The following SGPP2 variants were observed in gnomAD, a reference collection of about 807,000 sequenced individuals.
The protein encoded by SGPP2 is sphingosine-1-phosphate phosphatase 2.
In SGPP2, 30 loss-of-function variants were observed where a neutral mutation model predicts 33.9. That is an observed-to-expected ratio of 0.89 (90% CI 0.66 to 1.20). SGPP2 has a LOEUF of 1.20. Among genes scored for constraint, SGPP2 ranks in the 50% most tolerant of loss-of-function variants. The pLI is 0.00. For missense variants in SGPP2, 458 were observed against 532.1 expected (o/e 0.86, Z 1.37); for synonymous variants, 233 against 225.0 (o/e 1.04, Z -0.32).
intron 2 of SGPP2, among the ~76,000 whole-genome samples, chr2:222,518,089 C>G (rs2106130689): frequency 6.6e-6 from 1 of 152,336 alleles, no homozygotes; most frequent in African/African-American, 2.4e-5. Context: ...ATGCCAGAAA[C>G]AGGATACAAC....
At chr2:222,467,966 A>AC (rs1697774246) in intron 1 of SGPP2, among the ~76,000 whole-genome samples, 15 of 128,070 alleles carry the variant, frequency 1.2e-4, no homozygotes, top group African/African-American at 5.4e-4. Flanking sequence ...AAAAAAAAAA[A>AC]AAAAAAAAAA....
rs185622236 is a variant in SGPP2 at position 222,524,592 on chromosome 2, C to A, written c.559-352C>A. Among the ~76,000 whole-genome samples the A allele has an allele frequency of 5.4e-4, 82 of 152,268 alleles. 1 individual carries two copies. Among genetic ancestry groups the A allele is most frequent in the Non-Finnish European group, 8.8e-4 (60 of 68,010 alleles). On this transcript the variant is annotated intron_variant, in intron 3 of 4. Coordinates refer to ENST00000321276, the MANE Select transcript of SGPP2 (RefSeq NM_152386.4). The stretch of plus-strand genomic sequence containing the variant: ...TGCTTCTTGGTCAAATTGTTTGTTT[C>A]TTATCGTTCTAATTTAAGAATAGGT...
In SGPP2 at chr2:222,467,950, G is replaced by GAAAAAAAAAAAAAAAAAAAA. The variant is rs61253653; in HGVS notation, c.220-6599_220-6580dup. Among the ~76,000 whole-genome samples, 13 of 24,874 alleles carry GAAAAAAAAAAAAAAAAAAAA rather than the reference G, an allele frequency of 5.2e-4. 2 individuals carry two copies. Among genetic ancestry groups the GAAAAAAAAAAAAAAAAAAAA allele is most frequent in the East Asian group, 2.4e-3 (1 of 416 alleles). The allele number at this position is 24,874 out of a possible 152,430, so 16.3% of individuals were successfully genotyped here. The stretch of plus-strand genomic sequence containing the variant: ...AAATGTATATTTAAAGCTCTAATCT[G>GAAAAAAAAAAAAAAAAAAAA]AAAAAAAAAAAAAAAAAAAAAAAAA... On this transcript the variant is annotated intron_variant, in intron 1 of 4. Coordinates refer to ENST00000321276, the MANE Select transcript of SGPP2 (RefSeq NM_152386.4).
At chr2:222,537,669 A>G (rs1698934797) in intron 4 of SGPP2, among the ~76,000 whole-genome samples, 1 of 152,226 alleles carries the variant, frequency 6.6e-6, no homozygotes, top group South Asian at 2.1e-4. Flanking sequence ...TGTGATGCAT[A>G]CCTCTTGACC....
chr2:222,542,311 T>C (rs1436271314), intron 4 of SGPP2, among the ~76,000 whole-genome samples: 1 of 152,224 alleles, frequency 6.6e-6, no homozygotes, highest in Non-Finnish European at 1.5e-5. Flanking sequence ...TTATCCCTTC[T>C]GCTATTGATG....
intron 4 of SGPP2, among the ~76,000 whole-genome samples, chr2:222,537,577 A>AAGGT (rs1198552723): frequency 2.6e-5 from 4 of 152,234 alleles, no homozygotes; most frequent in African/African-American, 9.6e-5. Context: ...AATAACAGTC[A>AAGGT]AGGTTGATGA....
chr2:222,552,487 G>A (rs568176876), intron 4 of SGPP2, among the ~76,000 whole-genome samples: 1 of 152,170 alleles, frequency 6.6e-6, no homozygotes. Flanking sequence ...AGAGGGGGGC[G>A]AGAGATAAAA....
At chr2:222,498,164 A>G (rs1698310031) in intron 2 of SGPP2, 1 of 152,074 alleles carries the variant, frequency 6.6e-6, no homozygotes, top group African/African-American at 2.4e-5. Flanking sequence ...CTCAACCATC[A>G]ACTCACCCTG....
chr2:222,476,111 G>C lies in SGPP2; in HGVS notation c.378+1385G>C, dbSNP rs528641214. Among the ~76,000 whole-genome samples the C allele has an allele frequency of 6.6e-6, 1 of 152,342 alleles. No individual in the cohort carries two copies. Among genetic ancestry groups the C allele is most frequent in the African/African-American group, 2.4e-5 (1 of 41,580 alleles). ...AGACAAGACTGTTGCCCTGACTCAA[G>C]ATTCTGCACTAGAAATAGAGGTTCA... On this transcript the variant is annotated intron_variant, in intron 2 of 4. Transcript: ENST00000321276. This position sits in a 1 kb window ranked among gnomAD's most constrained non-coding sequence, Gnocchi z 4.3.
intron 1 of SGPP2, among the ~76,000 whole-genome samples, chr2:222,448,577 A>T (rs191462551): frequency 5.9e-5 from 9 of 152,248 alleles, no homozygotes; most frequent in African/African-American, 2.2e-4. Flanking sequence ...GGAGCACAGG[A>T]AATGCTTAAT....
At chr2:222,432,351 G>A (rs984161557) in intron 1 of SGPP2, among the ~76,000 whole-genome samples, 1 of 152,186 alleles carries the variant, frequency 6.6e-6, no homozygotes, top group Non-Finnish European at 1.5e-5. Context: ...GATGATTTAC[G>A]AGGAAAAAGC....
chr2:222,559,323 G>A lies in SGPP2; in HGVS notation c.*425G>A, dbSNP rs1689492242. ...GGGGTGATCTGGGAGGCTGGAGGTA[G>A]AGCCTTTCTTTTCCGTTACAACCTT... On this transcript the variant is annotated 3_prime_UTR_variant, in exon 5 of 5. Transcript: ENST00000321276. 1 of 172,136 alleles carries A rather than the reference G, an allele frequency of 5.8e-6. No homozygotes were observed. Among genetic ancestry groups the A allele is most frequent in the African/African-American group, 2.4e-5 (1 of 42,076 alleles). The allele number at this position is 172,136 out of a possible 1,614,324, so 10.7% of individuals were successfully genotyped here. A position where few individuals can be genotyped will look rare whatever the true frequency, so the allele number is the denominator to read the frequency against.
At chr2:222,448,766 A>G (rs184085701) in intron 1 of SGPP2, among the ~76,000 whole-genome samples, 17 of 152,318 alleles carry the variant, frequency 1.1e-4, no homozygotes, top group African/African-American at 4.1e-4. Flanking sequence ...CCCTGATGGC[A>G]TATTTCTGAA....
chr2:222,454,076 G>A (rs1310114162), intron 1 of SGPP2, among the ~76,000 whole-genome samples: 1 of 151,806 alleles, frequency 6.6e-6, no homozygotes, highest in Non-Finnish European at 1.5e-5. Context: ...TTTTACTTTT[G>A]TTAACAATTA....
chr2:222,479,233 A>G (rs1332684440), intron 2 of SGPP2, among the ~76,000 whole-genome samples: 2 of 152,166 alleles, frequency 1.3e-5, no homozygotes, highest in African/African-American at 4.8e-5. Context: ...TAAGTAGCAT[A>G]AGGAGCACAA....
rs1698664574 is a variant in SGPP2, at chr2:222,520,345, G to C, written c.379-1422G>C. Among the ~76,000 whole-genome samples the C allele has an allele frequency of 1.3e-5, 2 of 151,686 alleles. 1 individual carries two copies. Among genetic ancestry groups the C allele is most frequent in the Admixed American group, 1.3e-4 (2 of 15,220 alleles). On this transcript the variant is annotated intron_variant, in intron 2 of 4. Transcript: ENST00000321276. ...TGTCTTCTTTTGAGAACATGTTCATGTACATCAAATTCTGATTTCTATCTT... is the reference window on the plus strand; with the variant it reads ...TGTCTTCTTTTGAGAACATGTTCATCTACATCAAATTCTGATTTCTATCTT...
At chr2:222,436,702 C>A (rs1697246227) in intron 1 of SGPP2, among the ~76,000 whole-genome samples, 1 of 152,142 alleles carries the variant, frequency 6.6e-6, no homozygotes, top group East Asian at 1.9e-4. Flanking sequence ...ATAGTCTTGG[C>A]AGAACATTGC....
intron 4 of SGPP2, among the ~76,000 whole-genome samples, 183 bp from the exon 5 acceptor site, chr2:222,558,164 C>G (rs1391427120): frequency 2.6e-5 from 4 of 152,174 alleles, no homozygotes; most frequent in Non-Finnish European, 4.4e-5. Flanking sequence ...TTGTTGGAAG[C>G]ATTTTTTCGT....
chr2:222,452,945 GA>G, intron 1 of SGPP2: 1 of 1,568,440 alleles, frequency 6.4e-7, no homozygotes, highest in Non-Finnish European at 8.8e-7. Context: ...GTTGAAGGCT[GA>G]GGTATTTCTG....
Sources: gnomAD v4.1 joint callset for allele counts (sites outside exome capture counted in the v4.1 genomes callset) on GRCh38, gnomAD v4.1.1 for gene constraint, Gnocchi (gnomAD v3.1) non-coding constraint, MANE v1.5 for transcripts, NCBI Gene and HGNC (gene_info 2026-07-23, HGNC 2026-07-21) for gene names.